Variants in DPYD observed in about 807,000 individuals in gnomAD.
DPYD encodes the protein dihydropyrimidine dehydrogenase [NADP(+)].
DPYD carries 109 observed loss-of-function variants against 116.2 expected under a neutral mutation model. The ratio of observed to expected loss-of-function variants is 0.94; its 90% confidence interval spans 0.80 to 1.10. The LOEUF (loss-of-function observed/expected upper bound fraction) is 1.10, where lower values mean the gene tolerates loss of function less well. Among genes scored for constraint, DPYD ranks in the 50% least tolerant of loss-of-function variants. The pLI is 0.00. For missense variants in DPYD, 1,302 were observed against 1,254.5 expected (o/e 1.04, Z -0.57); for synonymous variants, 440 against 432.0 (o/e 1.02, Z -0.23).
At chr1:97,283,295 C>T (rs546705280) in intron 18 of DPYD, among the ~76,000 whole-genome samples, 19 of 152,162 alleles carry the variant, frequency 1.2e-4, no homozygotes, top group East Asian at 1.9e-4. Flanking sequence ...CTTGGAAATA[C>T]GAAGACTATT....
chr1:97,575,117 T>C (rs1653181820), intron 10 of DPYD, among the ~76,000 whole-genome samples: 1 of 152,094 alleles, frequency 6.6e-6, no homozygotes, highest in Non-Finnish European at 1.5e-5. Flanking sequence ...GAGGGTTAAG[T>C]GGGGACTGAG....
At chr1:97,464,845 C>G (rs1294217066) in intron 13 of DPYD, among the ~76,000 whole-genome samples, 18 of 152,092 alleles carry the variant, frequency 1.2e-4, no homozygotes, top group Admixed American at 1.2e-3. Flanking sequence ...CCCTAGAGTC[C>G]CTACTAGGGC....
chr1:97,707,641 G>A (rs1055479439), intron 5 of DPYD, among the ~76,000 whole-genome samples: 1 of 151,898 alleles, frequency 6.6e-6, no homozygotes, highest in Non-Finnish European at 1.5e-5. Flanking sequence ...AATAATTTTT[G>A]TTGTTTATAA....
chr1:97,614,841 G>C (rs1270860887), intron 8 of DPYD, among the ~76,000 whole-genome samples: 4 of 152,070 alleles, frequency 2.6e-5, no homozygotes, highest in Non-Finnish European at 5.9e-5. Flanking sequence ...AATTCTTAGT[G>C]ACTAAAATCT....
intron 2 of DPYD, among the ~76,000 whole-genome samples, chr1:97,852,413 G>A (rs1204699543): frequency 1.3e-5 from 2 of 152,048 alleles, no homozygotes; most frequent in East Asian, 3.8e-4. Context: ...GACAGTTGAA[G>A]TAACCTCCTC....
At chr1:97,161,677 T>C (rs12119333) in intron 20 of DPYD, among the ~76,000 whole-genome samples, 103,668 of 144,822 alleles carry the variant, frequency 0.72, 38,684 homozygotes, top group East Asian at 0.99. Flanking sequence ...CCCATTAACT[T>C]GTCATTTAGC....
chr1:97,733,771 T>C (rs1663765108), intron 4 of DPYD, among the ~76,000 whole-genome samples: 3 of 152,078 alleles, frequency 2.0e-5, no homozygotes, highest in African/African-American at 7.2e-5. Context: ...TTCTCAAATA[T>C]ATATCCATCA....
chr1:97,907,279 A>G (rs1029183867), intron 1 of DPYD, among the ~76,000 whole-genome samples: 2 of 152,042 alleles, frequency 1.3e-5, no homozygotes, highest in Non-Finnish European at 2.9e-5. Context: ...TGTGGGTTTT[A>G]AAAAATTATC....
intron 19 of DPYD, among the ~76,000 whole-genome samples, chr1:97,195,463 G>A (rs1290747870): frequency 6.9e-6 from 1 of 144,998 alleles, no homozygotes; most frequent in Non-Finnish European, 1.5e-5. Context: ...TGCTAGGTTG[G>A]TTGAGAGAAT....
intron 4 of DPYD, among the ~76,000 whole-genome samples, chr1:97,734,539 T>C (rs76465606): frequency 0.021 from 3,207 of 152,258 alleles, 120 homozygotes; most frequent in African/African-American, 0.074. Context: ...TCCTACAAAA[T>C]CTCTGGGTTT....
intron 20 of DPYD, among the ~76,000 whole-genome samples, chr1:97,145,444 G>A (rs1310840358): frequency 6.6e-6 from 1 of 152,088 alleles, no homozygotes; most frequent in Non-Finnish European, 1.5e-5. Context: ...TTCGTTCCAA[G>A]CTACCGAAAC....
At chr1:97,296,803 A>G (rs927066803) in intron 18 of DPYD, among the ~76,000 whole-genome samples, 1 of 152,188 alleles carries the variant, frequency 6.6e-6, no homozygotes, top group South Asian at 2.1e-4. Flanking sequence ...GTTTTAAAAT[A>G]TGAGTTTAAG....
In DPYD at chr1:97,123,078, T is replaced by A. The variant is rs536098658; in HGVS notation, c.2623-24446A>T. Among the ~76,000 whole-genome samples the A allele has an allele frequency of 1.3e-3, 197 of 152,246 alleles. 1 individual carries two copies. Among genetic ancestry groups the A allele is most frequent in the African/African-American group, 4.2e-3 (174 of 41,574 alleles). Reference sequence around the variant, plus strand: ...TAACTACCATGTGGCCAGGGAATAGTAAAACATGATGCTGACACATTTATT... The same window carrying A: ...TAACTACCATGTGGCCAGGGAATAGAAAAACATGATGCTGACACATTTATT... On this transcript the variant is annotated intron_variant, in intron 20 of 22. Transcript: ENST00000370192.
At chr1:97,206,610 C>T (rs1334077746) in intron 19 of DPYD, among the ~76,000 whole-genome samples, 1 of 132,444 alleles carries the variant, frequency 7.6e-6, no homozygotes, top group Non-Finnish European at 1.6e-5. Context: ...ACGAAGGCAA[C>T]TGGCTTTCAT....
At chr1:97,494,297 A>G (rs1679131921) in intron 13 of DPYD, among the ~76,000 whole-genome samples, 1 of 152,124 alleles carries the variant, frequency 6.6e-6, no homozygotes, top group Non-Finnish European at 1.5e-5. Flanking sequence ...CCTGGGCTCA[A>G]GTGATCTTTC....
intron 16 of DPYD, 73 bp from the exon 17 acceptor site, chr1:97,306,370 C>T (rs1270317813): frequency 8.8e-6 from 14 of 1,595,442 alleles, no homozygotes; most frequent in Non-Finnish European, 1.2e-5. Flanking sequence ...GGAACAACAG[C>T]AAAGCTGGAG....
In DPYD at chr1:97,595,061, G is replaced by A; in HGVS notation, c.956C>T (p.Ala319Val). The A allele has an allele frequency of 6.2e-7, 1 of 1,610,076 alleles. No individual in the cohort carries two copies. The highest frequency in any genetic ancestry group is 8.5e-7 in the Non-Finnish European group (1 of 1,176,578). Residue 319 changes from alanine (A) to valine (V), a missense_variant and splice_region_variant, in exon 9 of 23, where the codon GCA becomes GTA. Physicochemically the swap from Ala to Val is moderately conservative, Grantham distance 64. Transcript: ENST00000370192. ...FLPLVAKGSKAGMCACHSPLP... is the reference protein window; with the variant it reads ...FLPLVAKGSKVGMCACHSPLP... ...GCATAAAAGACAATATGTTATACCT[G>A]CTTTACTGCCTTTGGCTACAAGTGG...
At chr1:97,275,362 T>C (rs1664869223) in intron 18 of DPYD, among the ~76,000 whole-genome samples, 1 of 152,190 alleles carries the variant, frequency 6.6e-6, no homozygotes, top group Non-Finnish European at 1.5e-5. Flanking sequence ...AATTGCTCCT[T>C]TGACAGGTAC....
At chr1:97,579,201 G>A (rs1258977767) in intron 10 of DPYD, among the ~76,000 whole-genome samples, 1 of 152,202 alleles carries the variant, frequency 6.6e-6, no homozygotes, top group African/African-American at 2.4e-5. Context: ...CACATGGAAG[G>A]ACAGGGCATC....
Sources: gnomAD v4.1 joint callset for allele counts (sites outside exome capture counted in the v4.1 genomes callset) on GRCh38, gnomAD v4.1.1 for gene constraint, MANE v1.5 for transcripts, NCBI Gene and HGNC (gene_info 2026-07-23, HGNC 2026-07-21) for gene names.